The following CPB2 variants were observed in gnomAD, a reference collection of about 807,000 sequenced individuals.
The protein encoded by CPB2 is carboxypeptidase B-like protein.
A neutral mutation model predicts 57.0 loss-of-function variants in CPB2; 54 were observed. That is an observed-to-expected ratio of 0.95 (90% CI 0.76 to 1.19). The LOEUF (loss-of-function observed/expected upper bound fraction) is 1.19, where lower values mean the gene tolerates loss of function less well. Ranked by LOEUF, CPB2 falls within the 50% of genes most tolerant of loss-of-function variation. The probability of loss-of-function intolerance (pLI) is 0.00; values close to 1 mark genes in which losing one functional copy is unlikely to be tolerated. For missense variants in CPB2, 426 were observed against 512.0 expected, an observed-to-expected ratio of 0.83 and a Z score of 1.62; for synonymous variants, 189 against 178.1, an observed-to-expected ratio of 1.06 and a Z score of -0.49.
At chr13:46,057,998 G>A (rs912703444) in intron 9 of CPB2, among the ~76,000 whole-genome samples, 181 bp downstream of exon 9, 3 of 152,134 alleles carry the variant, frequency 2.0e-5, no homozygotes, top group Non-Finnish European at 2.9e-5. Flanking sequence ...GGTAAGGCAC[G>A]TTCTTTATAT....
intron 5 of CPB2, among the ~76,000 whole-genome samples, chr13:46,077,604 A>G (rs574231774): frequency 6.6e-6 from 1 of 152,294 alleles, no homozygotes; most frequent in South Asian, 2.1e-4. Flanking sequence ...AAATCAGTAT[A>G]TCAAAAAGAT....
intron 1 of CPB2, among the ~76,000 whole-genome samples, chr13:46,088,593 G>GT (rs569695741): frequency 6.6e-6 from 1 of 152,150 alleles, no homozygotes; most frequent in African/African-American, 2.4e-5. Context: ...CAGTCCTCAA[G>GT]TTTTTTGTAT....
chr13:46,088,975 T>C (rs943119564), intron 1 of CPB2, among the ~76,000 whole-genome samples: 1 of 151,790 alleles, frequency 6.6e-6, no homozygotes, highest in Non-Finnish European at 1.5e-5. Context: ...TCTTTCTTGA[T>C]GATGTGCTTT....
At chr13:46,093,282 G>C (rs1370320819) in intron 1 of CPB2, among the ~76,000 whole-genome samples, 1 of 152,304 alleles carries the variant, frequency 6.6e-6, no homozygotes, top group East Asian at 1.9e-4. Context: ...CTGAATTCTG[G>C]AAATAAGTCT....
At chr13:46,082,585 G>A (rs1202485105) in intron 3 of CPB2, 36 bp from the exon 4 acceptor site, 9 of 1,421,094 alleles carry the variant, frequency 6.3e-6, no homozygotes, top group Non-Finnish European at 8.9e-6. Context: ...TAGTTTCCAA[G>A]CAGAGGGTGG....
chr13:46,053,670 T>C lies in CPB2; in HGVS notation c.1216A>G (p.Arg406Gly), dbSNP rs1225402924. ...LPERYIKPTC[R>G]EAFAAVSKIA... ...TTAGAGACAGCGGCAAAAGCTTCTC[T>C]ACAGGTGGGTTTGATGTAACGCTCC... The change falls in exon 11 of 11, where the codon AGA becomes GGA. Residue 406 changes from arginine to glycine, a missense_variant. By Grantham distance (125) the Arg-to-Gly change is moderately radical. Coordinates refer to ENST00000181383, the MANE Select transcript of CPB2 (RefSeq NM_001872.5). 2 of 1,614,092 alleles carry C rather than the reference T, an allele frequency of 1.2e-6. No homozygotes were observed. The highest frequency in any genetic ancestry group is 2.2e-5 in the East Asian group (1 of 44,888).
chr13:46,104,101 A>T (rs569962612), intron 1 of CPB2, among the ~76,000 whole-genome samples: 2 of 152,000 alleles, frequency 1.3e-5, no homozygotes, highest in African/African-American at 4.8e-5. Flanking sequence ...GACCGTGAAC[A>T]TTTTTTTGGT....
intron 10 of CPB2, 65 bp downstream of exon 10, chr13:46,055,697 A>T (rs1259537052): frequency 2.1e-6 from 2 of 955,684 alleles, no homozygotes; most frequent in Non-Finnish European, 3.2e-6. Context: ...ACACAAAGAA[A>T]AACAGATCAC....
intron 7 of CPB2, among the ~76,000 whole-genome samples, chr13:46,066,664 G>A (rs2044859072): frequency 6.6e-6 from 1 of 151,968 alleles, no homozygotes; most frequent in African/African-American, 2.4e-5. Context: ...CCAATATGGT[G>A]AAACCCTGTC....
At chr13:46,067,901 C>T (rs748978187) in intron 6 of CPB2, among the ~76,000 whole-genome samples, 1 of 152,194 alleles carries the variant, frequency 6.6e-6, no homozygotes, top group Non-Finnish European at 1.5e-5. Flanking sequence ...AGGCTTTGAT[C>T]ATCTAGCTGT....
chr13:46,080,256 G>A (rs754589996), intron 4 of CPB2, among the ~76,000 whole-genome samples: 1 of 152,136 alleles, frequency 6.6e-6, no homozygotes, highest in Non-Finnish European at 1.5e-5. Context: ...CTCCTGGTGT[G>A]AGTCAATGAC....
At chr13:46,065,827 G>A (rs967861937) in intron 7 of CPB2, among the ~76,000 whole-genome samples, 24 of 151,926 alleles carry the variant, frequency 1.6e-4, no homozygotes. Flanking sequence ...TTAATAATAG[G>A]GTAATGATAC....
intron 6 of CPB2, among the ~76,000 whole-genome samples, chr13:46,071,074 T>C (rs1363132986): frequency 6.6e-6 from 1 of 152,140 alleles, no homozygotes. Flanking sequence ...TAATAAACAA[T>C]GGCAAGATGT....
intron 1 of CPB2, among the ~76,000 whole-genome samples, chr13:46,101,979 A>G (rs572530069): frequency 5.9e-5 from 9 of 152,366 alleles, no homozygotes; most frequent in African/African-American, 2.2e-4. Flanking sequence ...ACAATGGAAC[A>G]TAGCCCAAGG....
intron 5 of CPB2, among the ~76,000 whole-genome samples, chr13:46,075,224 A>G (rs2045004159): frequency 1.3e-5 from 2 of 152,244 alleles, no homozygotes; most frequent in South Asian, 4.1e-4. Context: ...AGAAAGCCCA[A>G]TGGCATTGGC....
intron 2 of CPB2, among the ~76,000 whole-genome samples, chr13:46,087,145 C>T (rs2045221036): frequency 6.6e-6 from 1 of 152,012 alleles, no homozygotes; most frequent in Non-Finnish European, 1.5e-5. Context: ...ATGTCCAGGT[C>T]TGTAGCTGCA....
intron 1 of CPB2, among the ~76,000 whole-genome samples, chr13:46,097,896 A>G (rs965481172): frequency 5.3e-5 from 8 of 152,236 alleles, no homozygotes; most frequent in African/African-American, 1.9e-4. Context: ...CAGAGAGCAT[A>G]GGAAGAGTTC....
chr13:46,100,340 A>G (rs2045418762), intron 1 of CPB2: 1 of 152,244 alleles, frequency 6.6e-6, no homozygotes, highest in Admixed American at 6.5e-5. Flanking sequence ...GCAAAGTGCT[A>G]ACACAACAGA....
intron 1 of CPB2, among the ~76,000 whole-genome samples, chr13:46,088,574 G>T (rs927268245): frequency 1.3e-5 from 2 of 152,170 alleles, no homozygotes; most frequent in Non-Finnish European, 2.9e-5. Context: ...TCATAGGATA[G>T]TGTCATATCA....
Sources: gnomAD v4.1 joint callset for allele counts (sites outside exome capture counted in the v4.1 genomes callset) on GRCh38, gnomAD v4.1.1 for gene constraint, MANE v1.5 for transcripts, NCBI Gene and HGNC (gene_info 2026-07-23, HGNC 2026-07-21) for gene names.